Variants in GALNTL6 observed in about 807,000 individuals in gnomAD.
The protein encoded by GALNTL6 is polypeptide N-acetylgalactosaminyltransferase like 6, also known as polypeptide N-acetylgalactosaminyltransferase-like 6.
GALNTL6 carries 46 observed loss-of-function variants against 73.7 expected under a neutral mutation model. The observed-to-expected ratio is 0.62, with a 90% CI of 0.49 to 0.80. The LOEUF (loss-of-function observed/expected upper bound fraction) is 0.80, where lower values mean the gene tolerates loss of function less well. GALNTL6 is among the 30% of genes least tolerant of loss of function. GALNTL6 has a pLI of 0.00. For missense variants in GALNTL6, 604 were observed against 755.0 expected (o/e 0.80, Z 2.34); for synonymous variants, 259 against 263.7 (o/e 0.98, Z 0.17).
chr4:172,706,984 G>C (rs74934140), intron 5 of GALNTL6, among the ~76,000 whole-genome samples: 1 of 152,064 alleles, frequency 6.6e-6, no homozygotes. Context: ...ATGGGTTGGG[G>C]CAGGAATGGT....
In GALNTL6 at chr4:172,763,878, GA is replaced by G. The variant is rs1442051937; in HGVS notation, c.554-45480del. Among the ~76,000 whole-genome samples the G allele has an allele frequency of 2.7e-5, 4 of 150,736 alleles. No homozygotes were observed. In the East Asian group the frequency reaches 7.8e-4, roughly 29 times the overall value. On this transcript the variant is annotated intron_variant, in intron 5 of 12. Transcript: ENST00000506823. ...AAGCCACACTAACAGGAAATTCAAA[GA>G]AATATCAATGACTAATAAACAAATG...
chr4:172,646,391 A>G (rs1740243167), intron 5 of GALNTL6, among the ~76,000 whole-genome samples: 3 of 152,044 alleles, frequency 2.0e-5, no homozygotes, highest in South Asian at 2.1e-4. Flanking sequence ...GCAAAGTTTT[A>G]TAGTTATGAA....
At chr4:172,575,313 T>C (rs1220413668) in intron 5 of GALNTL6, among the ~76,000 whole-genome samples, 2 of 152,214 alleles carry the variant, frequency 1.3e-5, no homozygotes, top group Non-Finnish European at 2.9e-5. Flanking sequence ...TTTTTATTGT[T>C]CCATCATATG....
intron 5 of GALNTL6, among the ~76,000 whole-genome samples, chr4:172,437,188 C>A (rs1460048860): frequency 2.6e-5 from 4 of 152,102 alleles, no homozygotes; most frequent in African/African-American, 9.7e-5. Context: ...TGAGATCATA[C>A]ATTTGTCCCT....
chr4:173,031,442 A>G (rs1753455432), intron 12 of GALNTL6, among the ~76,000 whole-genome samples: 1 of 152,206 alleles, frequency 6.6e-6, no homozygotes, highest in Non-Finnish European at 1.5e-5. Flanking sequence ...TATCAATTTC[A>G]TGAGAGCAGG....
intron 10 of GALNTL6, among the ~76,000 whole-genome samples, chr4:172,955,409 T>C (rs991012451): frequency 1.3e-5 from 2 of 150,698 alleles, no homozygotes; most frequent in African/African-American, 4.9e-5. Context: ...ACCCGGGAGG[T>C]GCCACTGCAC....
intron 3 of GALNTL6, among the ~76,000 whole-genome samples, chr4:172,291,618 A>C (rs564689291): frequency 1.3e-5 from 2 of 152,222 alleles, no homozygotes; most frequent in African/African-American, 4.8e-5. Flanking sequence ...GTTATCTATA[A>C]GATTGATGTA....
At chr4:172,060,069 TA>T (rs987266417) in intron 2 of GALNTL6, among the ~76,000 whole-genome samples, 14 of 152,198 alleles carry the variant, frequency 9.2e-5, no homozygotes, top group African/African-American at 3.4e-4. Flanking sequence ...CAGTCACAAA[TA>T]AAATGTTCTT....
chr4:172,677,977 A>G (rs1337908213), intron 5 of GALNTL6, among the ~76,000 whole-genome samples: 1 of 152,208 alleles, frequency 6.6e-6, no homozygotes, highest in Non-Finnish European at 1.5e-5. Context: ...AGGAGCTTCT[A>G]TACAAAAGCG....
intron 8 of GALNTL6, among the ~76,000 whole-genome samples, chr4:172,924,891 G>A (rs1248479723): frequency 6.6e-6 from 1 of 151,640 alleles, no homozygotes; most frequent in Non-Finnish European, 1.5e-5. Context: ...TTGTTTTTTC[G>A]AGACAGAGTT....
At chr4:172,255,528 A>G (rs1476748370) in intron 3 of GALNTL6, among the ~76,000 whole-genome samples, 1 of 151,650 alleles carries the variant, frequency 6.6e-6, no homozygotes, top group East Asian at 1.9e-4. Context: ...AATGCTTTTA[A>G]TAAGTATTAT....
intron 5 of GALNTL6, among the ~76,000 whole-genome samples, chr4:172,654,567 G>T (rs1385058199): frequency 6.6e-6 from 1 of 152,076 alleles, no homozygotes; most frequent in African/African-American, 2.4e-5. Context: ...AATCTCTACT[G>T]TCATCCATTT....
intron 2 of GALNTL6, among the ~76,000 whole-genome samples, chr4:172,042,842 C>A (rs1742120149): frequency 1.0e-5 from 1 of 99,820 alleles, no homozygotes; most frequent in Non-Finnish European, 1.8e-5. Flanking sequence ...TTACCTTGTT[C>A]TATCCGAGCA....
chr4:172,297,827 C>A (rs1229260868), intron 3 of GALNTL6, among the ~76,000 whole-genome samples: 2 of 151,734 alleles, frequency 1.3e-5, no homozygotes, highest in Non-Finnish European at 1.5e-5. Flanking sequence ...ATTGACTTGG[C>A]AATGTGGGCT....
intron 2 of GALNTL6, among the ~76,000 whole-genome samples, chr4:172,097,108 T>C (rs931714365): frequency 1.3e-5 from 2 of 152,126 alleles, no homozygotes; most frequent in African/African-American, 2.4e-5. Flanking sequence ...TGGTCCTTAC[T>C]GGGAAATTTC....
At chr4:172,915,116 C>T (rs1237247931) in intron 8 of GALNTL6, among the ~76,000 whole-genome samples, 1 of 152,214 alleles carries the variant, frequency 6.6e-6, no homozygotes, top group Non-Finnish European at 1.5e-5. Context: ...CTCACAACTA[C>T]ATGGAAACTG....
At chr4:172,530,477 A>C (rs1735133172) in intron 5 of GALNTL6, among the ~76,000 whole-genome samples, 1 of 152,180 alleles carries the variant, frequency 6.6e-6, no homozygotes, top group East Asian at 1.9e-4. Flanking sequence ...AATAAGACAA[A>C]CTAATGTTTT....
intron 2 of GALNTL6, among the ~76,000 whole-genome samples, chr4:171,858,429 G>A (rs557133326): frequency 2.7e-5 from 4 of 150,244 alleles, no homozygotes; most frequent in African/African-American, 1.0e-4. Flanking sequence ...GGAAGAAATG[G>A]GCAAACAAAA....
chr4:172,871,597 T>TGTGTGTGTGA (rs1744938899), intron 7 of GALNTL6, among the ~76,000 whole-genome samples: 1 of 141,876 alleles, frequency 7.0e-6, no homozygotes, highest in Non-Finnish European at 1.5e-5. Flanking sequence ...CTGGGGGGGG[T>TGTGTGTGTGA]GTGTGTGTGT....
Sources: allele counts gnomAD v4.1 joint callset (sites outside exome capture counted in the v4.1 genomes callset), GRCh38; gene constraint gnomAD v4.1.1; transcripts MANE v1.5; gene names NCBI Gene and HGNC (gene_info 2026-07-23, HGNC 2026-07-21).